CPN1: variants seen among roughly 807,000 people sequenced by gnomAD.
CPN1 encodes the protein carboxypeptidase N catalytic chain.
In CPN1, 37 loss-of-function variants were observed where a neutral mutation model predicts 46.4. The ratio of observed to expected loss-of-function variants is 0.80; its 90% CI spans 0.61 to 1.05. The LOEUF (loss-of-function observed/expected upper bound fraction) is 1.05, where lower values mean the gene tolerates loss of function less well. CPN1 is among the 50% of genes least tolerant of loss of function. CPN1 has a pLI of 0.00. For missense variants in CPN1, 563 were observed against 602.6 expected, an observed-to-expected ratio of 0.93 and a Z score of 0.69; for synonymous variants, 224 against 235.4, an observed-to-expected ratio of 0.95 and a Z score of 0.44.
intron 7 of CPN1, among the ~76,000 whole-genome samples, chr10:100,053,060 A>G (rs1218145078): frequency 2.0e-5 from 3 of 152,130 alleles, no homozygotes; most frequent in African/African-American, 4.8e-5. Context: ...AGAAGAAACA[A>G]ATAAAAAGGA....
At chr10:100,061,621 A>G (rs1473735815) in intron 5 of CPN1, among the ~76,000 whole-genome samples, 2 of 152,300 alleles carry the variant, frequency 1.3e-5, no homozygotes, top group East Asian at 3.9e-4. Flanking sequence ...TGACTTTGGA[A>G]TTGTACCAGC....
chr10:100,080,362 T>A (rs11596211), intron 1 of CPN1, among the ~76,000 whole-genome samples: 38,225 of 152,110 alleles, frequency 0.25, 5,935 homozygotes, highest in Non-Finnish European at 0.35. Context: ...TAGACATGGA[T>A]GCTATCCATA....
chr10:100,054,839 TTC>T (rs1160055422), intron 6 of CPN1, among the ~76,000 whole-genome samples: 1 of 126,984 alleles, frequency 7.9e-6, no homozygotes, highest in Non-Finnish European at 1.8e-5. Context: ...TTTTCTTTCT[TTC>T]TTTTTTTTTT....
intron 2 of CPN1, among the ~76,000 whole-genome samples, chr10:100,072,540 C>G (rs1447889398): frequency 3.9e-5 from 6 of 152,160 alleles, no homozygotes; most frequent in Non-Finnish European, 8.8e-5. Context: ...CTCCTCCCCC[C>G]TTCAAAAAAT....
chr10:100,049,148 G>A (rs1351576133), intron 7 of CPN1, among the ~76,000 whole-genome samples: 3 of 151,888 alleles, frequency 2.0e-5, no homozygotes, highest in South Asian at 2.1e-4. Context: ...TAGTAGAGAC[G>A]GGGTTTCATC....
chr10:100,053,696 C>T (rs2041368371), intron 7 of CPN1, among the ~76,000 whole-genome samples: 1 of 151,686 alleles, frequency 6.6e-6, no homozygotes. Context: ...CATTTGTAGC[C>T]ACTGTTATGC....
chr10:100,047,070 T>C (rs1213202104), intron 8 of CPN1, among the ~76,000 whole-genome samples: 1 of 149,152 alleles, frequency 6.7e-6, no homozygotes, highest in Admixed American at 6.7e-5. Context: ...CGAGACTCTG[T>C]CGAAAAAAAA....
At chr10:100,073,588 T>C (rs2041498022) in intron 2 of CPN1, among the ~76,000 whole-genome samples, 1 of 151,548 alleles carries the variant, frequency 6.6e-6, no homozygotes, top group Non-Finnish European at 1.5e-5. Flanking sequence ...TAGAGATCAT[T>C]CACATTCCTT....
chr10:100,055,767 G>A (rs1051089272), intron 6 of CPN1, among the ~76,000 whole-genome samples: 3 of 151,982 alleles, frequency 2.0e-5, no homozygotes, highest in Non-Finnish European at 4.4e-5. Flanking sequence ...CAGGTGATCC[G>A]CCCGCCTCGG....
intron 2 of CPN1, among the ~76,000 whole-genome samples, chr10:100,070,631 G>A (rs1015576929): frequency 5.3e-5 from 8 of 152,094 alleles, no homozygotes; most frequent in African/African-American, 1.2e-4. Flanking sequence ...CCCGTCACAA[G>A]AAGATGAATC....
At chr10:100,043,703 A>G (rs1325624639) in intron 8 of CPN1, among the ~76,000 whole-genome samples, 1 of 146,878 alleles carries the variant, frequency 6.8e-6, no homozygotes, top group Admixed American at 6.8e-5. Context: ...GGGTCTTGTT[A>G]TGTTGTCCAG....
chr10:100,045,483 A>G (rs1266406239), intron 8 of CPN1, among the ~76,000 whole-genome samples: 1 of 152,222 alleles, frequency 6.6e-6, no homozygotes, highest in Non-Finnish European at 1.5e-5. Flanking sequence ...GAGGGGATGG[A>G]GGAAGAAACT....
At chr10:100,050,648 AG>A (rs2133427651) in intron 7 of CPN1, among the ~76,000 whole-genome samples, 1 of 152,202 alleles carries the variant, frequency 6.6e-6, no homozygotes, top group South Asian at 2.1e-4. Flanking sequence ...TTTTTGAGAT[AG>A]GGTCTCATTC....
At chr10:100,060,477 G>A (rs576473476) in intron 5 of CPN1, among the ~76,000 whole-genome samples, 122 of 152,172 alleles carry the variant, frequency 8.0e-4, no homozygotes, top group Admixed American at 1.8e-3. Context: ...CAGGAGAATC[G>A]CTTGAGCCGG....
intron 3 of CPN1, 140 bp from the exon 4 acceptor site, chr10:100,065,510 A>T: frequency 1.2e-6 from 1 of 855,166 alleles, no homozygotes; most frequent in Non-Finnish European, 1.8e-6. Flanking sequence ...GGATATGAAA[A>T]GTGGAGATGG....
At chr10:100,054,210 T>G in intron 7 of CPN1, 137 bp downstream of exon 7, 2 of 720,190 alleles carry the variant, frequency 2.8e-6, no homozygotes, top group Non-Finnish European at 5.1e-6. Context: ...ATTGCCCTTC[T>G]TTCCTCCATC....
chr10:100,049,991 A>C (rs2133427203), intron 7 of CPN1, among the ~76,000 whole-genome samples: 1 of 152,344 alleles, frequency 6.6e-6, no homozygotes, highest in Admixed American at 6.5e-5. Context: ...AATGATGTCT[A>C]TCTAAAGAAA....
At chr10:100,057,585 AG>A (rs1011627842) in intron 5 of CPN1, among the ~76,000 whole-genome samples, 28 of 152,098 alleles carry the variant, frequency 1.8e-4, no homozygotes, top group East Asian at 3.8e-4. Context: ...GGGACCAGTA[AG>A]GGGGGAAATA....
At chr10:100,058,798 C>T (rs7899561) in intron 5 of CPN1, among the ~76,000 whole-genome samples, 1,914 of 152,172 alleles carry the variant, frequency 0.013, 48 homozygotes, top group African/African-American at 0.044. Context: ...AAGCTTACTA[C>T]AAAGCTACAG....
Sources: gnomAD v4.1 joint callset for allele counts (sites outside exome capture counted in the v4.1 genomes callset) on GRCh38, gnomAD v4.1.1 for gene constraint, MANE v1.5 for transcripts, NCBI Gene and HGNC (gene_info 2026-07-23, HGNC 2026-07-21) for gene names.